Variants in OSBPL10 observed in about 807,000 individuals in gnomAD.
OSBPL10 encodes oxysterol-binding protein-related protein 10.
In OSBPL10, 49 loss-of-function variants were observed where a neutral mutation model predicts 81.7. The observed-to-expected ratio is 0.60, with a 90% CI of 0.48 to 0.76. OSBPL10 has a LOEUF of 0.76. Ranked by LOEUF, OSBPL10 falls within the 30% of genes least tolerant of loss-of-function variation. The probability of loss-of-function intolerance (pLI) is 0.00; values close to 1 mark genes in which losing one functional copy is unlikely to be tolerated. For missense variants in OSBPL10, 923 were observed against 987.8 expected (o/e 0.93, Z 0.88); for synonymous variants, 419 against 383.6 (o/e 1.09, Z -1.08).
At chr3:31,790,519 T>C (rs1436838690) in intron 4 of OSBPL10, among the ~76,000 whole-genome samples, 1 of 152,190 alleles carries the variant, frequency 6.6e-6, no homozygotes, top group African/African-American at 2.4e-5. Flanking sequence ...GCATACACCA[T>C]CTGCTAATTA....
At chr3:31,941,562 T>C (rs1167178268) in intron 1 of OSBPL10, among the ~76,000 whole-genome samples, 2 of 152,180 alleles carry the variant, frequency 1.3e-5, no homozygotes, top group African/African-American at 4.8e-5. Context: ...CAAACTCCCC[T>C]GAGAGGGATC....
At chr3:31,723,346 G>A (rs190615125) in intron 6 of OSBPL10, among the ~76,000 whole-genome samples, 1 of 152,316 alleles carries the variant, frequency 6.6e-6, no homozygotes, top group African/African-American at 2.4e-5. Flanking sequence ...GGCCAGGGCT[G>A]CTCCAGTATC....
At chr3:31,745,575 C>T (rs1697494412) in intron 5 of OSBPL10, among the ~76,000 whole-genome samples, 1 of 152,148 alleles carries the variant, frequency 6.6e-6, no homozygotes, top group African/African-American at 2.4e-5. Flanking sequence ...GGACTGAGCC[C>T]ACTGAGTGGT....
intron 4 of OSBPL10, among the ~76,000 whole-genome samples, chr3:31,810,104 T>C (rs546291647): frequency 2.7e-4 from 41 of 151,912 alleles, no homozygotes; most frequent in African/African-American, 9.4e-4. Context: ...CTCCTGACCT[T>C]AGGTGATCCA....
chr3:31,833,827 A>C (rs1324433393), intron 3 of OSBPL10, among the ~76,000 whole-genome samples: 1 of 152,180 alleles, frequency 6.6e-6, no homozygotes, highest in Non-Finnish European at 1.5e-5. Context: ...CTTTGCCTGT[A>C]GCAGTATCAC....
chr3:31,741,631 A>C (rs1575513755), intron 5 of OSBPL10, among the ~76,000 whole-genome samples: 1 of 152,202 alleles, frequency 6.6e-6, no homozygotes, highest in African/African-American at 2.4e-5. Context: ...AAAAAATAAA[A>C]AATAAACACT....
chr3:31,968,498 C>G (rs9867341), intron 1 of OSBPL10, among the ~76,000 whole-genome samples: 5,045 of 140,874 alleles, frequency 0.036, 315 homozygotes, highest in African/African-American at 0.13. Context: ...TGCTTTGCTT[C>G]TATTTTGAAG....
chr3:31,725,176 T>C (rs748212391), intron 6 of OSBPL10, among the ~76,000 whole-genome samples: 1 of 152,232 alleles, frequency 6.6e-6, no homozygotes, highest in African/African-American at 2.4e-5. Flanking sequence ...ATGCCCACTA[T>C]ATAATAAGAG....
intron 1 of OSBPL10, 126 bp from the exon 2 acceptor site, chr3:31,879,956 A>T: frequency 9.1e-6 from 9 of 988,458 alleles, no homozygotes; most frequent in Non-Finnish European, 1.3e-5. Context: ...GGAAACCAAA[A>T]GTCCCTCCCA....
intron 6 of OSBPL10, chr3:31,732,977 C>T (rs1365919842): frequency 1.3e-5 from 6 of 468,154 alleles, no homozygotes; most frequent in Non-Finnish European, 2.3e-5. Context: ...CGGGTCTGTT[C>T]GAATTTCTCC....
At chr3:31,965,169 A>G (rs893175147) in intron 1 of OSBPL10, among the ~76,000 whole-genome samples, 4 of 151,660 alleles carry the variant, frequency 2.6e-5, no homozygotes, top group East Asian at 1.9e-4. Flanking sequence ...GGAGATTGTG[A>G]CCATCCTGGC....
At chr3:31,768,952 G>GC (rs1322790643) in intron 4 of OSBPL10, among the ~76,000 whole-genome samples, 1 of 151,950 alleles carries the variant, frequency 6.6e-6, no homozygotes, top group African/African-American at 2.4e-5. Context: ...TTCCATTGCT[G>GC]CCCCCTGCTG....
intron 4 of OSBPL10, among the ~76,000 whole-genome samples, chr3:31,793,144 G>A (rs1297571929): frequency 1.3e-5 from 2 of 152,106 alleles, no homozygotes; most frequent in Admixed American, 6.6e-5. Context: ...AAAGAGGGCA[G>A]AAATATTTTT....
intron 1 of OSBPL10, among the ~76,000 whole-genome samples, chr3:31,973,881 A>G (rs1440847723): frequency 1.3e-5 from 2 of 152,222 alleles, no homozygotes; most frequent in Admixed American, 6.5e-5. Context: ...ACTTACACAC[A>G]AATAGCAGCT....
intron 4 of OSBPL10, among the ~76,000 whole-genome samples, chr3:31,759,082 A>T (rs753530435): frequency 8.6e-5 from 13 of 151,670 alleles, no homozygotes; most frequent in Non-Finnish European, 1.5e-4. Context: ...AAAAATTGTT[A>T]ATTTAGAAAT....
chr3:31,683,857 C>G lies in OSBPL10; in HGVS notation c.1503G>C (p.Lys501Asn). The G allele has an allele frequency of 6.2e-7, 1 of 1,614,240 alleles. No individual in the cohort carries two copies. Among genetic ancestry groups the G allele is most frequent in the South Asian group, 1.1e-5 (1 of 91,082 alleles). Residue 501 changes from lysine (K) to asparagine (N), a missense_variant, in exon 8 of 12, where the codon AAG becomes AAC. Around this residue, in one of 3 missense-constraint regions of OSBPL10, gnomAD observed 387 missense variants for 436.3 expected, o/e 0.89. Coordinates refer to ENST00000396556, the MANE Select transcript of OSBPL10 (RefSeq NM_017784.5). ...TGGCAGGAGAGCGGGAAGCAGTCCT[C>G]TTAGGCTTGACCCTGTCCTTGGGAA... ...WEVPKDRVKP[K>N]RTASRSPASC...
intron 2 of OSBPL10, among the ~76,000 whole-genome samples, chr3:32,002,565 C>T (rs1016544519): frequency 6.6e-6 from 1 of 152,142 alleles, no homozygotes; most frequent in African/African-American, 2.4e-5. Context: ...CCAAAAACCC[C>T]TCCTCCAAAG....
chr3:31,738,067 T>C (rs1013714049), intron 5 of OSBPL10, among the ~76,000 whole-genome samples: 2 of 151,600 alleles, frequency 1.3e-5, no homozygotes, highest in Non-Finnish European at 2.9e-5. Context: ...AGGATCCATG[T>C]TCCTGAAGGA....
At chr3:31,752,934 T>C (rs1308165023) in intron 4 of OSBPL10, among the ~76,000 whole-genome samples, 1 of 152,182 alleles carries the variant, frequency 6.6e-6, no homozygotes, top group East Asian at 1.9e-4. Context: ...CCAAAGCTGC[T>C]TGTCTTGTTG....
Sources: gnomAD v4.1 joint callset for allele counts (sites outside exome capture counted in the v4.1 genomes callset) on GRCh38, gnomAD v4.1.1 for gene constraint, gnomAD v4.1.1 regional missense constraint, MANE v1.5 for transcripts, NCBI Gene and HGNC (gene_info 2026-07-23, HGNC 2026-07-21) for gene names.